The following GRIP1 variants were observed in gnomAD, a reference collection of about 807,000 sequenced individuals.
GRIP1 encodes the protein glutamate receptor interacting protein 1, also known as glutamate receptor-interacting protein 1.
A neutral mutation model predicts 129.9 loss-of-function variants in GRIP1; 45 were observed. The observed-to-expected ratio is 0.35, with a 90% CI of 0.27 to 0.44. GRIP1 has a LOEUF of 0.44. GRIP1 is among the 20% of genes least tolerant of loss of function. The probability of loss-of-function intolerance (pLI) is 1.00; values close to 1 mark genes in which losing one functional copy is unlikely to be tolerated. For synonymous variants in GRIP1, 530 were observed against 520.8 expected (o/e 1.02, Z -0.24); for missense variants, 1,196 against 1,396.8 (o/e 0.86, Z 2.29).
At chr12:66,481,395 G>A (rs942335537) in intron 7 of GRIP1, among the ~76,000 whole-genome samples, 2 of 152,128 alleles carry the variant, frequency 1.3e-5, no homozygotes, top group African/African-American at 4.8e-5. Context: ...AATCCACAAT[G>A]AGATACCATC....
intron 1 of GRIP1, among the ~76,000 whole-genome samples, chr12:66,633,950 G>A (rs1025195673): frequency 6.6e-6 from 1 of 152,200 alleles, no homozygotes; most frequent in Non-Finnish European, 1.5e-5. Context: ...CCCTCAGGTG[G>A]ATGAGAGGCA....
rs1473628038 is a variant in GRIP1, at chr12:66,715,495, A to T, written c.-419-85159T>A. On this transcript the variant is annotated intron_variant, in intron 1 of 4. Coordinates refer to the GRIP1 transcript ENST00000538373. ...GTGAGAGAGAGAGAGAGAGAGAGAG[A>T]GAGAGAGAGAGAGAGAGAGAGAACT... 1.7e-3 allele frequency among the ~76,000 whole-genome samples: 236 copies of T among 135,628 alleles called. 1 individual carries two copies. Among genetic ancestry groups the T allele is most frequent in the African/African-American group, 6.1e-3 (230 of 37,736 alleles). 89.0% of individuals were successfully genotyped at this position (135,628 alleles called of 152,430 possible). A position where few individuals can be genotyped will look rare whatever the true frequency, so the allele number is the denominator to read the frequency against.
chr12:66,442,069 C>A (rs895910871), intron 13 of GRIP1, among the ~76,000 whole-genome samples: 2 of 152,218 alleles, frequency 1.3e-5, no homozygotes, highest in African/African-American at 4.8e-5. Flanking sequence ...TCTGCTTCTG[C>A]TATTTTCCCC....
At chr12:66,804,789 T>C (rs368579479), upstream of GRIP1, among the ~76,000 whole-genome samples, 106 of 152,300 alleles carry the variant, frequency 7.0e-4, 2 homozygotes, top group Middle Eastern at 3.4e-3. Context: ...TGTTTTGCAA[T>C]GGGCGTACTG....
chr12:66,419,930 T>C (rs1021898384), intron 15 of GRIP1, among the ~76,000 whole-genome samples: 2 of 152,128 alleles, frequency 1.3e-5, no homozygotes, highest in African/African-American at 4.8e-5. Context: ...ACCCCGCCTC[T>C]AGTAAAAAAT....
intron 1 of GRIP1, among the ~76,000 whole-genome samples, chr12:66,745,124 T>A (rs1012467301): frequency 6.6e-6 from 1 of 152,114 alleles, no homozygotes; most frequent in South Asian, 2.1e-4. Flanking sequence ...GGCTCCCTGG[T>A]GGTAAAGCTG....
chr12:66,429,847 A>G (rs1366525112), intron 14 of GRIP1, among the ~76,000 whole-genome samples: 1 of 152,192 alleles, frequency 6.6e-6, no homozygotes, highest in Non-Finnish European at 1.5e-5. Context: ...CTTGTCAACA[A>G]TACTATGAAG....
intron 1 of GRIP1, among the ~76,000 whole-genome samples, chr12:66,932,068 C>G (rs2041404716): frequency 6.6e-6 from 1 of 151,934 alleles, no homozygotes; most frequent in Non-Finnish European, 1.5e-5. Flanking sequence ...TTAAATATTT[C>G]CTTTCATATC....
chr12:66,489,378 A>G (rs145113578), intron 7 of GRIP1, among the ~76,000 whole-genome samples: 178 of 152,312 alleles, frequency 1.2e-3, no homozygotes, highest in Non-Finnish European at 2.2e-3. Context: ...CAAAAACCAC[A>G]TAATTATCTC....
At position 66,960,550 on chromosome 12, in the gene GRIP1, G is replaced by A. The variant is rs118038541; in HGVS notation, c.58+108500C>T. Among the ~76,000 whole-genome samples the A allele has an allele frequency of 5.7e-3, 864 of 152,196 alleles. 4 individuals are homozygous for A. Among genetic ancestry groups the A allele is most frequent in the Non-Finnish European group, 9.9e-3 (675 of 68,012 alleles). On this transcript the variant is annotated intron_variant, in intron 1 of 1. Transcript: ENST00000643019. ...TGCTCAGAAATTAGGTCTGAACTGG[G>A]TTCATGAGCGTGTTAACATATAGGT...
At chr12:66,759,108 C>T (rs555883657) in intron 1 of GRIP1, among the ~76,000 whole-genome samples, 31 of 152,316 alleles carry the variant, frequency 2.0e-4, no homozygotes, top group African/African-American at 6.0e-4. Flanking sequence ...ATGAAGGCTC[C>T]GCCCCTGCAG....
intron 15 of GRIP1, among the ~76,000 whole-genome samples, chr12:66,415,303 C>T (rs1486796096): frequency 6.6e-6 from 1 of 151,890 alleles, no homozygotes; most frequent in Non-Finnish European, 1.5e-5. Context: ...TTCATGCAGC[C>T]AGCAAACATG....
At chr12:66,855,391 T>A (rs1352115350) in intron 1 of GRIP1, among the ~76,000 whole-genome samples, 1 of 151,966 alleles carries the variant, frequency 6.6e-6, no homozygotes, top group South Asian at 2.1e-4. Context: ...GATTCAATAT[T>A]CCCACTTTAT....
At chr12:66,585,040 T>C (rs1335085862) in intron 2 of GRIP1, among the ~76,000 whole-genome samples, 1 of 152,182 alleles carries the variant, frequency 6.6e-6, no homozygotes, top group Middle Eastern at 3.2e-3. Context: ...CTTTTGTTTT[T>C]TTATATTTGA....
chr12:66,872,748 G>T (rs577284298), intron 1 of GRIP1, among the ~76,000 whole-genome samples: 1 of 151,984 alleles, frequency 6.6e-6, no homozygotes, highest in African/African-American at 2.4e-5. Context: ...CTTTGGAGCC[G>T]ACAATAATGC....
intron 1 of GRIP1, among the ~76,000 whole-genome samples, chr12:66,889,208 C>T (rs561063367): frequency 2.6e-5 from 4 of 152,312 alleles, no homozygotes; most frequent in Admixed American, 6.5e-5. Flanking sequence ...GCCTGTAATC[C>T]CAGCACCTTG....
chr12:66,914,277 G>T (rs781142034), intron 1 of GRIP1, among the ~76,000 whole-genome samples: 1 of 152,106 alleles, frequency 6.6e-6, no homozygotes, highest in Non-Finnish European at 1.5e-5. Context: ...TTCTAGGTTT[G>T]CTACCTATTT....
At position 66,377,005 on chromosome 12, in the gene GRIP1, A is replaced by C; in HGVS notation, c.2778+12T>G. 6.3e-7 allele frequency: 1 copy of C among 1,597,516 alleles called. No homozygotes were observed. Among genetic ancestry groups the C allele is most frequent in the South Asian group, 1.1e-5 (1 of 90,704 alleles). ...CTTCACAAGCAAAAATATAAACATA[A>C]AGGGTAGCTACCAAGAGAGTCATGT... On this transcript the variant is annotated intron_variant, in intron 22 of 24. Transcript: ENST00000359742.
chr12:66,386,715 T>C (rs879576015), intron 19 of GRIP1, among the ~76,000 whole-genome samples: 2 of 152,236 alleles, frequency 1.3e-5, no homozygotes, highest in African/African-American at 2.4e-5. Context: ...ATTACTTTCA[T>C]TCTTGGAAAC....
Sources: gnomAD v4.1 joint callset for allele counts (sites outside exome capture counted in the v4.1 genomes callset) on GRCh38, gnomAD v4.1.1 for gene constraint, MANE v1.5 for transcripts, NCBI Gene and HGNC (gene_info 2026-07-23, HGNC 2026-07-21) for gene names.